The following ANKAR variants were observed in gnomAD, a reference collection of about 807,000 sequenced individuals.
ANKAR encodes ankyrin and armadillo repeat-containing protein.
In ANKAR, 136 loss-of-function variants were observed where a neutral mutation model predicts 146.2. The ratio of observed to expected loss-of-function variants is 0.93; its 90% CI spans 0.81 to 1.07. The LOEUF (loss-of-function observed/expected upper bound fraction) is 1.07. Among genes scored for constraint, ANKAR ranks in the 50% least tolerant of loss-of-function variants. ANKAR has a pLI of 0.00. For synonymous variants in ANKAR, 500 were observed against 575.8 expected (o/e 0.87, Z 1.88); for missense variants, 1,567 against 1,679.9 (o/e 0.93, Z 1.18).
intron 16 of ANKAR, 66 bp from the exon 17 acceptor site, chr2:189,733,041 G>C: frequency 6.8e-7 from 1 of 1,472,080 alleles, no homozygotes; most frequent in Non-Finnish European, 9.2e-7. Context: ...ATAAATGCCT[G>C]CACAATGAAA....
intron 10 of ANKAR, among the ~76,000 whole-genome samples, chr2:189,717,948 G>A (rs2040710717): frequency 6.6e-6 from 1 of 152,120 alleles, no homozygotes; most frequent in Non-Finnish European, 1.5e-5. Context: ...GGGGTGGGAG[G>A]CAGGGGGAGG....
In ANKAR at chr2:189,746,527, T is replaced by C. The variant is rs1297451360; in HGVS notation, c.4205T>C (p.Ile1402Thr). The change falls in exon 23 of 23, where the codon ATT (isoleucine) becomes ACT (threonine). Residue 1402 changes from isoleucine to threonine, a missense_variant. Coordinates refer to ENST00000684021, the MANE Select transcript of ANKAR (RefSeq NM_001378068.1). ...AATATTTTTTCTTTTTCATCTACAA[T>C]TACATCAGATATCACAAATGTATCA... ...SHNIFSFSST[I>T]TSDITNVSRP... The C allele has an allele frequency of 6.2e-7, 1 of 1,613,918 alleles. No individual in the cohort carries two copies. Among genetic ancestry groups the C allele is most frequent in the Admixed American group, 1.7e-5 (1 of 60,010 alleles).
At chr2:189,726,113 G>A (rs2041851392) in intron 12 of ANKAR, among the ~76,000 whole-genome samples, 1 of 152,076 alleles carries the variant, frequency 6.6e-6, no homozygotes. Flanking sequence ...AGTAAAGATT[G>A]GTTCAGGCAA....
At chr2:189,676,010 G>A (rs1311969297) in intron 1 of ANKAR, 1 of 163,000 alleles carries the variant, frequency 6.1e-6, no homozygotes, top group African/African-American at 2.4e-5. Flanking sequence ...GCAGATGCTG[G>A]TGCCATGCTT....
At chr2:189,731,376 C>CTT (rs71023714) in intron 16 of ANKAR, among the ~76,000 whole-genome samples, 3,619 of 137,268 alleles carry the variant, frequency 0.026, 95 homozygotes, top group African/African-American at 0.043. Context: ...TTTCTTTTTT[C>CTT]TTTTTTTTTT....
chr2:189,698,079 C>T (rs924009947), intron 7 of ANKAR, among the ~76,000 whole-genome samples: 3 of 152,014 alleles, frequency 2.0e-5, no homozygotes, highest in Non-Finnish European at 4.4e-5. Flanking sequence ...CCTTTTAAAA[C>T]AGAGTCATCC....
intron 2 of ANKAR, among the ~76,000 whole-genome samples, chr2:189,678,249 T>C (rs1263980602): frequency 6.6e-6 from 1 of 152,244 alleles, no homozygotes; most frequent in Non-Finnish European, 1.5e-5. Flanking sequence ...ATTTGAAAAT[T>C]GTCTATTCAT....
At position 189,737,717 on chromosome 2, in the gene ANKAR, T is replaced by G. The variant is rs2042981254; in HGVS notation, c.3458T>G (p.Leu1153Arg). 1 of 1,599,272 alleles carries G rather than the reference T, an allele frequency of 6.3e-7. No individual in the cohort carries two copies. The change falls in exon 18 of 23, where the codon CTT becomes CGT. Residue 1153 changes from leucine to arginine, a missense_variant. Leu to Arg is a moderately radical substitution (Grantham distance 102, BLOSUM62 -2). Coordinates refer to ENST00000684021, the MANE Select transcript of ANKAR (RefSeq NM_001378068.1). The part of the protein sequence containing the change: ...ICLRAGYALT[L>R]FAFNNRFQQY... ...TTAAGAGCAGGCTATGCATTAACAC[T>G]TTTTGCCTTCAATAATCGCTTTCAA...
At position 189,737,816 on chromosome 2, in the gene ANKAR, C is replaced by A; in HGVS notation, c.3557C>A (p.Thr1186Asn). 2 of 1,570,878 alleles carry A rather than the reference C, an allele frequency of 1.3e-6. No individual in the cohort carries two copies. Among genetic ancestry groups the A allele is most frequent in the East Asian group, 2.4e-5 (1 of 41,900 alleles). The change falls in exon 18 of 23, where the codon ACT becomes AAT. Residue 1186 changes from threonine (T) to asparagine (N), a missense_variant. Transcript: ENST00000684021. ...FERFLESTVE[T>N]EKAMAAFQIV... is the part of the protein sequence containing the mutation. ...CGTTTTCTTGAATCAACAGTTGAAA[C>A]TGAGAAGGCAATGGCAGCATTTCAG...
At chr2:189,724,611 G>T (rs190084092) in intron 12 of ANKAR, among the ~76,000 whole-genome samples, 6 of 152,166 alleles carry the variant, frequency 3.9e-5, no homozygotes, top group Admixed American at 3.3e-4. Flanking sequence ...ATGATTAGAT[G>T]ATTAAATGAA....
At chr2:189,705,643 A>C (rs1352423459) in intron 8 of ANKAR, among the ~76,000 whole-genome samples, 1 of 152,200 alleles carries the variant, frequency 6.6e-6, no homozygotes. Context: ...GATCCTACAC[A>C]ACCAGGAGGC....
chr2:189,678,586 G>C (rs779651606), intron 2 of ANKAR, among the ~76,000 whole-genome samples: 1 of 152,106 alleles, frequency 6.6e-6, no homozygotes, highest in African/African-American at 2.4e-5. Context: ...TTTAGTTCTC[G>C]ATCCATCTCG....
At position 189,729,695 on chromosome 2, in the gene ANKAR, C is replaced by CGTGTGTGTGTGTGTGTGTGT. The variant is rs139823318; in HGVS notation, c.3194-798_3194-779dup. On this transcript the variant is annotated intron_variant, in intron 15 of 22. Coordinates refer to ENST00000684021, the MANE Select transcript of ANKAR (RefSeq NM_001378068.1). ...TTCAAATCTGTCCACATCAGCTGTG[C>CGTGTGTGTGTGTGTGTGTGT]GTGTGTGTGTGTGTGTGTGTGGTGC... 6.0e-3 allele frequency among the ~76,000 whole-genome samples: 567 copies of CGTGTGTGTGTGTGTGTGTGT among 94,224 alleles called. 6 individuals carry two copies. Among genetic ancestry groups the CGTGTGTGTGTGTGTGTGTGT allele is most frequent in the African/African-American group, 0.014 (474 of 33,540 alleles). 61.8% of individuals were successfully genotyped at this position (94,224 alleles called of 152,430 possible).
intron 3 of ANKAR, 24 bp downstream of exon 3, chr2:189,689,988 A>G (rs765676074): frequency 4.9e-6 from 7 of 1,431,688 alleles, no homozygotes; most frequent in Middle Eastern, 2.2e-4. Context: ...CAAAAATCAA[A>G]TATAAAATAT....
At chr2:189,742,401 T>C (rs545799623) in intron 20 of ANKAR, among the ~76,000 whole-genome samples, 1 of 152,306 alleles carries the variant, frequency 6.6e-6, no homozygotes, top group South Asian at 2.1e-4. Context: ...ATACTTTAAT[T>C]AATCATATGA....
chr2:189,736,499 G>GTTTTTTTTTTTTTTTTTT lies in ANKAR; in HGVS notation c.3424-1180_3424-1179insTTTTTTTTTTTTTTTTTT, dbSNP rs71938893. 1.2e-4 allele frequency among the ~76,000 whole-genome samples: 14 copies of GTTTTTTTTTTTTTTTTTT among 113,708 alleles called. 6 individuals are homozygous for GTTTTTTTTTTTTTTTTTT. Among genetic ancestry groups the GTTTTTTTTTTTTTTTTTT allele is most frequent in the South Asian group, 6.0e-4 (2 of 3,356 alleles). The allele number at this position is 113,708 out of a possible 152,430, so 74.6% of individuals were successfully genotyped here. Reference sequence around the variant, plus strand: ...TCTTTTTGCCTATTTAGGTGACTGGGTTTTGTGTGTGTGTGTGTGTGTGTG... The same window carrying GTTTTTTTTTTTTTTTTTT: ...TCTTTTTGCCTATTTAGGTGACTGGGTTTTTTTTTTTTTTTTTTTTTTGTGTGTGTGTGTGTGTGTGTG... On this transcript the variant is annotated intron_variant, in intron 17 of 22. Coordinates refer to ENST00000684021, the MANE Select transcript of ANKAR (RefSeq NM_001378068.1).
intron 17 of ANKAR, among the ~76,000 whole-genome samples, 172 bp downstream of exon 17, chr2:189,733,401 A>G (rs938127450): frequency 2.0e-5 from 3 of 152,180 alleles, no homozygotes; most frequent in Admixed American, 6.5e-5. Flanking sequence ...ATACAGCTCC[A>G]TATTTTTCTG....
At chr2:189,758,424 C>T (rs964377656) in intron 18 of ANKAR, among the ~76,000 whole-genome samples, 2 of 151,936 alleles carry the variant, frequency 1.3e-5, no homozygotes, top group African/African-American at 2.4e-5. Context: ...CCCCCTCTCT[C>T]GGTCCTGCTC....
At chr2:189,695,529 T>C (rs889444909) in intron 6 of ANKAR, among the ~76,000 whole-genome samples, 10 of 152,178 alleles carry the variant, frequency 6.6e-5, no homozygotes, top group Admixed American at 6.5e-4. Flanking sequence ...ACAAATCATA[T>C]AGTAAATGGC....
Sources: allele counts gnomAD v4.1 joint callset (sites outside exome capture counted in the v4.1 genomes callset), GRCh38; gene constraint gnomAD v4.1.1; transcripts MANE v1.5; gene names NCBI Gene and HGNC (gene_info 2026-07-23, HGNC 2026-07-21).